Variants in CCR3 observed in about 807,000 individuals in gnomAD.
CCR3 encodes the protein C-C chemokine receptor type 3.
For missense variants in CCR3, 419 were observed against 437.5 expected, an observed-to-expected ratio of 0.96 and a Z score of 0.38; for synonymous variants, 203 against 179.2, an observed-to-expected ratio of 1.13 and a Z score of -1.06.
rs1700608313 is a variant in CCR3 at position 46,265,555 on chromosome 3, C to A, written c.397C>A (p.Leu133Met). The change falls in exon 2 of 2, where the codon CTG becomes ATG. Residue 133 changes from leucine (L) to methionine (M), a missense_variant. Leu to Met is a conservative substitution (Grantham distance 15, BLOSUM62 2). Transcript: ENST00000395940. ...FIILLTIDRYLAIVHAVFALR... is the reference protein window; with the variant it reads ...FIILLTIDRYMAIVHAVFALR... ...AATCCTGCTGACAATCGACAGGTACCTGGCCATTGTCCATGCTGTGTTTGC... is the reference window on the plus strand; with the variant it reads ...AATCCTGCTGACAATCGACAGGTACATGGCCATTGTCCATGCTGTGTTTGC... 1 of 1,614,160 alleles carries A rather than the reference C, an allele frequency of 6.2e-7. No homozygotes were observed. Among genetic ancestry groups the A allele is most frequent in the Non-Finnish European group, 8.5e-7 (1 of 1,180,028 alleles).
At chr3:46,223,624 G>C (rs1161829028) in intron 2 of CCR3, among the ~76,000 whole-genome samples, 1 of 152,138 alleles carries the variant, frequency 6.6e-6, no homozygotes, top group Non-Finnish European at 1.5e-5. Flanking sequence ...AGGTGTGTGT[G>C]TGCATGTATG....
intron 1 of CCR3, among the ~76,000 whole-genome samples, chr3:46,262,833 T>C (rs1174857653): frequency 6.6e-6 from 1 of 152,152 alleles, no homozygotes; most frequent in African/African-American, 2.4e-5. Flanking sequence ...TTCTTATTTT[T>C]TTGTAGAGAT....
chr3:46,234,594 G>A (rs1026522738), intron 2 of CCR3, among the ~76,000 whole-genome samples: 2 of 151,816 alleles, frequency 1.3e-5, no homozygotes, highest in Non-Finnish European at 2.9e-5. Context: ...CAATTGATGA[G>A]CACTCATTGC....
chr3:46,242,679 G>A (rs951766866), intron 1 of CCR3, 141 bp downstream of exon 1: 3 of 151,956 alleles, frequency 2.0e-5, no homozygotes, highest in African/African-American at 7.3e-5. Context: ...TATGGGGCCA[G>A]AGTGGGAGAA....
chr3:46,265,701 T>C lies in CCR3; in HGVS notation c.543T>C (p.Thr181=), dbSNP rs767556103. Residue 181 remains threonine (T), a synonymous_variant, in exon 2 of 2, where the codon ACT becomes ACC. Coordinates refer to ENST00000395940, the MANE Select transcript of CCR3 (RefSeq NM_178329.3). ...FYETEELFEE[T]LCSALYPEDT... ...AGACTGAAGAGTTGTTTGAAGAGAC[T>C]CTTTGCAGTGCTCTTTACCCAGAGG... 6.2e-7 allele frequency: 1 copy of C among 1,614,036 alleles called. No individual in the cohort carries two copies. The highest frequency in any genetic ancestry group is 2.2e-5 in the East Asian group (1 of 44,872).
rs1377851041 is a variant in CCR3, at chr3:46,265,759, CTG to C, written c.602_603del (p.Leu201GlnfsTer31). Reference protein sequence around the residue: ...TVYSWRHFHTLRMTIFCLVLP... With the variant: ...TVYSWRHFHTXRMTIFCLVLP... ...ATATAGCTGGAGGCATTTCCACACT[CTG>C]AGAATGACCATCTTCTGTCTCGTTC... is the stretch of plus-strand genomic sequence containing the variant. On this transcript the variant is annotated frameshift_variant, in exon 2 of 2. Transcript: ENST00000395940. LOFTEE classifies it low-confidence loss of function (END_TRUNC). 6.2e-7 allele frequency: 1 copy of C among 1,613,884 alleles called. No homozygotes were observed. Among genetic ancestry groups the C allele is most frequent in the South Asian group, 1.1e-5 (1 of 91,078 alleles).
chr3:46,230,845 G>A (rs1699956022), intron 2 of CCR3, among the ~76,000 whole-genome samples: 1 of 152,116 alleles, frequency 6.6e-6, no homozygotes, highest in African/African-American at 2.4e-5. Context: ...CTTTTCCAGG[G>A]CAGGGACCTA....
At chr3:46,215,124 A>G (rs1699759655) in intron 2 of CCR3, among the ~76,000 whole-genome samples, 1 of 152,098 alleles carries the variant, frequency 6.6e-6, no homozygotes, top group Admixed American at 6.6e-5. Flanking sequence ...TTGTACTCCA[A>G]ACCTAAGCTC....
At chr3:46,220,953 G>T (rs1002323409) in intron 2 of CCR3, among the ~76,000 whole-genome samples, 5 of 152,136 alleles carry the variant, frequency 3.3e-5, no homozygotes, top group African/African-American at 1.2e-4. Flanking sequence ...CACACCTAAG[G>T]AACTTATCCA....
intron 1 of CCR3, among the ~76,000 whole-genome samples, chr3:46,247,099 G>A (rs924297444): frequency 1.3e-5 from 2 of 152,202 alleles, no homozygotes; most frequent in Non-Finnish European, 1.5e-5. Flanking sequence ...AGGAGATTCA[G>A]CATAGTCCTG....
chr3:46,229,282 G>A (rs1699935989), intron 2 of CCR3, among the ~76,000 whole-genome samples: 1 of 152,136 alleles, frequency 6.6e-6, no homozygotes, highest in South Asian at 2.1e-4. Flanking sequence ...CAATATGAAA[G>A]GTGCCTAGGA....
At chr3:46,262,727 T>G (rs1700549821) in intron 1 of CCR3, among the ~76,000 whole-genome samples, 1 of 152,180 alleles carries the variant, frequency 6.6e-6, no homozygotes, top group South Asian at 2.1e-4. Flanking sequence ...TGATCACAGT[T>G]CACTGCAGCC....
chr3:46,264,930 C>G (rs1213830298), intron 1 of CCR3, among the ~76,000 whole-genome samples: 1 of 152,050 alleles, frequency 6.6e-6, no homozygotes, highest in African/African-American at 2.4e-5. Context: ...GCTTCTTTTC[C>G]CATGCCGGGT....
chr3:46,249,749 A>G (rs1220917764), intron 1 of CCR3, among the ~76,000 whole-genome samples: 1 of 152,168 alleles, frequency 6.6e-6, no homozygotes, highest in Non-Finnish European at 1.5e-5. Flanking sequence ...TGGCACTTGT[A>G]GCAAGCTCCT....
intron 1 of CCR3, among the ~76,000 whole-genome samples, chr3:46,249,264 G>T (rs536337278): frequency 6.6e-5 from 10 of 152,214 alleles, no homozygotes; most frequent in Middle Eastern, 3.4e-3. Context: ...AGATAATTTG[G>T]TTAAAATATC....
rs201916744 is a variant in CCR3 at position 46,265,509 on chromosome 3, G to C, written c.351G>C (p.Leu117Phe). The C allele has an allele frequency of 7.9e-5, 128 of 1,614,084 alleles. 1 individual carries two copies. Among genetic ancestry groups the C allele is most frequent in the Admixed American group, 1.0e-4 (6 of 60,028 alleles). The change falls in exon 2 of 2, where the codon TTG (leucine) becomes TTC (phenylalanine). Residue 117 changes from leucine (L) to phenylalanine (F), a missense_variant. By Grantham distance (22) the Leu-to-Phe change is conservative. Transcript: ENST00000395940. ...TCTCAGGGTTTTATCACACAGGCTTGTACAGCGAGATCTTTTTCATAATCC... is the reference window on the plus strand; with the variant it reads ...TCTCAGGGTTTTATCACACAGGCTTCTACAGCGAGATCTTTTTCATAATCC... ...KLLSGFYHTGLYSEIFFIILL... is the reference protein window; with the variant it reads ...KLLSGFYHTGFYSEIFFIILL...
At chr3:46,237,522 C>T (rs1700037470), upstream of CCR3, among the ~76,000 whole-genome samples, 1 of 152,186 alleles carries the variant, frequency 6.6e-6, no homozygotes, top group Non-Finnish European at 1.5e-5. Flanking sequence ...AGATTAATGT[C>T]TTGAAGCATT....
At chr3:46,253,335 T>A (rs1460418891) in intron 1 of CCR3, among the ~76,000 whole-genome samples, 4 of 152,160 alleles carry the variant, frequency 2.6e-5, no homozygotes, top group African/African-American at 9.7e-5. Flanking sequence ...CTCTTGCTGG[T>A]TCTGGGAGGC....
intron 1 of CCR3, among the ~76,000 whole-genome samples, chr3:46,259,263 G>C (rs1427744284): frequency 6.6e-6 from 1 of 152,154 alleles, no homozygotes; most frequent in African/African-American, 2.4e-5. Context: ...ATGTCATTTT[G>C]TACCATAAGG....
Sources: gnomAD v4.1 joint callset for allele counts (sites outside exome capture counted in the v4.1 genomes callset) on GRCh38, gnomAD v4.1.1 for gene constraint, MANE v1.5 for transcripts, NCBI Gene and HGNC (gene_info 2026-07-23, HGNC 2026-07-21) for gene names.